The following PDE1C variants were observed in gnomAD, a reference collection of about 807,000 sequenced individuals.
The protein encoded by PDE1C is dual specificity calcium/calmodulin-dependent 3',5'-cyclic nucleotide phosphodiesterase 1C.
Under a neutral mutation model 93.1 loss-of-function variants are expected in PDE1C, and 62 were observed. The observed-to-expected ratio is 0.67, with a 90% confidence interval of 0.54 to 0.82. The LOEUF is 0.82. PDE1C is among the 40% of genes least tolerant of loss of function. The pLI, the probability that PDE1C is intolerant of heterozygous loss-of-function variation, is 0.00. For missense variants in PDE1C, 742 were observed against 884.6 expected (o/e 0.84, Z 2.04); for synonymous variants, 325 against 310.1 (o/e 1.05, Z -0.50).
intron 3 of PDE1C, among the ~76,000 whole-genome samples, chr7:32,132,438 T>C (rs1799970827): frequency 6.6e-6 from 1 of 152,046 alleles, no homozygotes; most frequent in Non-Finnish European, 1.5e-5. Context: ...CCAAGGTGGA[T>C]TGCTTGAGCT....
the PDE1C span, among the ~76,000 whole-genome samples, chr7:31,722,690 AG>A: frequency 6.6e-6 from 1 of 152,152 alleles, no homozygotes; most frequent in African/African-American, 2.4e-5. Flanking sequence ...GAGCTGTTTC[AG>A]GTGGTGGGAA....
chr7:32,105,364 A>T (rs1245866144), intron 3 of PDE1C, among the ~76,000 whole-genome samples: 2 of 152,224 alleles, frequency 1.3e-5, no homozygotes, highest in African/African-American at 4.8e-5. Flanking sequence ...TAAAATGCAC[A>T]GTAACTGGTA....
chr7:32,087,404 G>A (rs890663364), intron 3 of PDE1C, among the ~76,000 whole-genome samples: 1 of 152,088 alleles, frequency 6.6e-6, no homozygotes, highest in Non-Finnish European at 1.5e-5. Context: ...CTGTTGGTGG[G>A]ACTGTAAACT....
At chr7:32,217,909 C>T (rs1806545540) in intron 1 of PDE1C, among the ~76,000 whole-genome samples, 1 of 152,220 alleles carries the variant, frequency 6.6e-6, no homozygotes, top group Non-Finnish European at 1.5e-5. Flanking sequence ...ATGCCTTTCA[C>T]AAGGCTGTGG....
At chr7:32,029,114 C>G (rs752109145) in intron 2 of PDE1C, among the ~76,000 whole-genome samples, 6 of 152,084 alleles carry the variant, frequency 3.9e-5, no homozygotes, top group Non-Finnish European at 5.9e-5. Context: ...TGAAGACATA[C>G]AAGTGACCAA....
chr7:32,183,572 T>G (rs1347640608), intron 2 of PDE1C, among the ~76,000 whole-genome samples: 1 of 152,222 alleles, frequency 6.6e-6, no homozygotes, highest in East Asian at 1.9e-4. Flanking sequence ...ATTTAATAAA[T>G]GGTGCTGGGA....
At chr7:31,720,983 G>C in the PDE1C span, among the ~76,000 whole-genome samples, 1 of 152,156 alleles carries the variant, frequency 6.6e-6, no homozygotes, top group Non-Finnish European at 1.5e-5. Context: ...TGCCACAAGA[G>C]GTTTAAAAAC....
chr7:31,861,036 C>T (rs1200652600), intron 7 of PDE1C, among the ~76,000 whole-genome samples: 1 of 152,098 alleles, frequency 6.6e-6, no homozygotes, highest in Non-Finnish European at 1.5e-5. Flanking sequence ...ATACTCTAGT[C>T]AGTGTTCCAT....
the PDE1C span, among the ~76,000 whole-genome samples, chr7:31,738,058 C>T: frequency 1.3e-5 from 2 of 152,162 alleles, no homozygotes; most frequent in Non-Finnish European, 2.9e-5. Context: ...TCACCCAGTC[C>T]TCTCCTGTGC....
chr7:31,732,810 A>T, the PDE1C span, among the ~76,000 whole-genome samples: 2 of 152,146 alleles, frequency 1.3e-5, no homozygotes, highest in African/African-American at 4.8e-5. Context: ...ACTGTAACCC[A>T]AGGGGGACCT....
intron 3 of PDE1C, among the ~76,000 whole-genome samples, chr7:31,879,639 A>C (rs1797007603): frequency 6.6e-6 from 1 of 152,248 alleles, no homozygotes; most frequent in Non-Finnish European, 1.5e-5. Context: ...AGTGATGACA[A>C]TTAAGATTCT....
chr7:31,663,599 G>A, the PDE1C span, among the ~76,000 whole-genome samples: 1 of 152,152 alleles, frequency 6.6e-6, no homozygotes, highest in South Asian at 2.1e-4. Flanking sequence ...CAGTTGACCT[G>A]CTATTATTTA....
chr7:32,371,867 T>C (rs1325923813), intron 1 of PDE1C, among the ~76,000 whole-genome samples: 1 of 152,104 alleles, frequency 6.6e-6, no homozygotes, highest in Admixed American at 6.5e-5. Flanking sequence ...AGGCAGGGGA[T>C]TCAGAATAGC....
chr7:32,390,620 G>A (rs1585139023), intron 1 of PDE1C, among the ~76,000 whole-genome samples: 1 of 151,540 alleles, frequency 6.6e-6, no homozygotes, highest in Admixed American at 6.6e-5. Flanking sequence ...GCCAAGGCAG[G>A]AGGATCACTT....
the PDE1C span, among the ~76,000 whole-genome samples, chr7:31,683,030 A>G: frequency 1.3e-5 from 2 of 152,190 alleles, no homozygotes; most frequent in Non-Finnish European, 2.9e-5. Context: ...GCAACAGGAG[A>G]GATCTCTGTG....
At chr7:32,130,714 C>T (rs1315144655) in intron 3 of PDE1C, among the ~76,000 whole-genome samples, 3 of 152,158 alleles carry the variant, frequency 2.0e-5, no homozygotes, top group Admixed American at 2.0e-4. Context: ...CTCTCCTTTG[C>T]TTGACCACCT....
Position 31,837,271 on chromosome 7 carries a change from A to C in PDE1C, c.1112T>G (p.Met371Arg). 2 of 1,613,600 alleles carry C rather than the reference A, an allele frequency of 1.2e-6. No individual in the cohort carries two copies. The highest frequency in any genetic ancestry group is 1.7e-6 in the Non-Finnish European group (2 of 1,179,678). Reference sequence around the variant, plus strand: ...ATGGCTAATATCTGCTGTATGCAGCATAAGGGATAAGGCTTTTGGCTTTTC... The same window carrying C: ...ATGGCTAATATCTGCTGTATGCAGCCTAAGGGATAAGGCTTTTGGCTTTTC... ...AIEKPKALSL[M>R]LHTADISHPA... Residue 371 changes from methionine (M) to arginine (R), a missense_variant, in exon 11 of 18, where the codon ATG becomes AGG. Physicochemically the swap from Met to Arg is moderately conservative, Grantham distance 91. Coordinates refer to ENST00000396191, the MANE Select transcript of PDE1C (RefSeq NM_001191057.4).
chr7:32,105,107 T>C (rs956427100), intron 3 of PDE1C, among the ~76,000 whole-genome samples: 3 of 152,212 alleles, frequency 2.0e-5, no homozygotes, highest in East Asian at 1.9e-4. Context: ...CATGGTTGCA[T>C]TGACCAACGG....
chr7:31,624,971 T>C, the PDE1C span, among the ~76,000 whole-genome samples: 35 of 152,162 alleles, frequency 2.3e-4, no homozygotes, highest in African/African-American at 3.1e-4. Flanking sequence ...AGGACATGAA[T>C]AGACACTTCT....
Sources: gnomAD v4.1 joint callset for allele counts (sites outside exome capture counted in the v4.1 genomes callset) on GRCh38, gnomAD v4.1.1 for gene constraint, MANE v1.5 for transcripts, NCBI Gene and HGNC (gene_info 2026-07-23, HGNC 2026-07-21) for gene names.